The following DST variants were observed in gnomAD, a reference collection of about 807,000 sequenced individuals.
The protein encoded by DST is bullous pemphigoid antigen.
Under a neutral mutation model 875.2 loss-of-function variants are expected in DST, and 253 were observed. The observed-to-expected ratio is 0.29, with a 90% confidence interval of 0.26 to 0.32. DST has a LOEUF of 0.32. DST is among the 10% of genes least tolerant of loss of function. The pLI is 1.00. For missense variants in DST, 8,287 were observed against 9,111.6 expected, an observed-to-expected ratio of 0.91 and a Z score of 3.68; for synonymous variants, 3,124 against 3,197.1, an observed-to-expected ratio of 0.98 and a Z score of 0.77.
intron 15 of DST, among the ~76,000 whole-genome samples, chr6:56,645,231 C>T (rs1411019583): frequency 6.6e-6 from 1 of 152,186 alleles, no homozygotes; most frequent in African/African-American, 2.4e-5. Context: ...TCACAATTCC[C>T]AGGTACCAGG....
At chr6:56,889,021 C>T (rs1488924182) in intron 3 of DST, among the ~76,000 whole-genome samples, 1 of 152,178 alleles carries the variant, frequency 6.6e-6, no homozygotes, top group Non-Finnish European at 1.5e-5. Context: ...CAAGAGCTAC[C>T]TAGACCCATG....
chr6:56,592,172 C>T lies in DST; in HGVS notation c.12903+10G>A, dbSNP rs201012735. On this transcript the variant is annotated intron_variant, in intron 49 of 103. Coordinates refer to ENST00000680361, the MANE Select transcript of DST (RefSeq NM_001374736.1). ...CTACTGGAAATGTGGATCTTTCTCT[C>T]GCTTTTTACCTTGGTCTCTTCTAAT... 13 of 1,609,942 alleles carry T rather than the reference C, an allele frequency of 8.1e-6. No individual in the cohort carries two copies. The highest frequency in any genetic ancestry group is 6.7e-5 in the Admixed American group (4 of 59,406).
At chr6:56,497,672 G>A in intron 81 of DST, 165 bp from the exon 82 acceptor site, 1 of 974,334 alleles carries the variant, frequency 1.0e-6, no homozygotes, top group Middle Eastern at 2.8e-4. Flanking sequence ...TAGTAGATAA[G>A]AGTATTATGC....
In DST at chr6:56,839,992, A is replaced by G. The variant is rs143494856; in HGVS notation, c.625+11405T>C. ...TGCAACACTTTCATTACGGTTGTCT[A>G]GGTACAACGGATTTACTTCCAGATC... On this transcript the variant is annotated intron_variant, in intron 4 of 103. Transcript: ENST00000680361. 5.3e-3 allele frequency among the ~76,000 whole-genome samples: 813 copies of G among 152,330 alleles called. 6 individuals are homozygous for G. Among genetic ancestry groups the G allele is most frequent in the African/African-American group, 0.018 (767 of 41,580 alleles).
At chr6:56,813,186 A>G (rs1360445422) in intron 4 of DST, among the ~76,000 whole-genome samples, 3 of 142,412 alleles carry the variant, frequency 2.1e-5, no homozygotes, top group Non-Finnish European at 3.0e-5. Flanking sequence ...TTGAACAATG[A>G]GAACACATGG....
At chr6:56,617,991 A>T in intron 36 of DST, 2 of 1,613,134 alleles carry the variant, frequency 1.2e-6, no homozygotes, top group Non-Finnish European at 1.7e-6. Flanking sequence ...TATACCTCTA[A>T]GGGTGTCAAA....
intron 4 of DST, among the ~76,000 whole-genome samples, chr6:56,836,568 G>A (rs1185443439): frequency 6.6e-5 from 10 of 151,922 alleles, no homozygotes; most frequent in African/African-American, 2.4e-4. Flanking sequence ...ATAAACAAAG[G>A]GGCCGGGCGC....
intron 5 of DST, among the ~76,000 whole-genome samples, chr6:56,732,335 T>C (rs2099503196): frequency 6.6e-6 from 1 of 152,254 alleles, no homozygotes; most frequent in Admixed American, 6.5e-5. Flanking sequence ...TGGCTTTTTT[T>C]CAAGTATCGC....
chr6:56,639,153 T>C (rs1294575238), intron 22 of DST, 106 bp downstream of exon 22: 3 of 1,002,682 alleles, frequency 3.0e-6, no homozygotes, highest in South Asian at 2.7e-5. Flanking sequence ...CAGGTTTTAA[T>C]AAAAGTTAGA....
intron 49 of DST, among the ~76,000 whole-genome samples, chr6:56,587,818 A>G (rs982598939): frequency 6.6e-6 from 1 of 152,114 alleles, no homozygotes; most frequent in Non-Finnish European, 1.5e-5. Context: ...ACTAAGCTTC[A>G]TAAGTGAAGG....
intron 2 of DST, among the ~76,000 whole-genome samples, chr6:56,905,372 G>A (rs993397534): frequency 4.4e-4 from 67 of 152,122 alleles, no homozygotes; most frequent in African/African-American, 1.5e-3. Context: ...TTCAGCTGGC[G>A]TAACGGAAAC....
Position 56,714,231 on chromosome 6 carries a change from G to T in DST, c.688-9862C>A, listed in dbSNP as rs1269047829. 6.6e-6 allele frequency among the ~76,000 whole-genome samples: 1 copy of T among 152,060 alleles called. No individual in the cohort carries two copies. Among genetic ancestry groups the T allele is most frequent in the African/African-American group, 2.4e-5 (1 of 41,384 alleles). ...TGTTTGGAATGGAATTATAAATACA[G>T]GTTTATTCTTTTAATTACTTAATTA... On this transcript the variant is annotated intron_variant, in intron 5 of 103. Transcript: ENST00000680361. The surrounding 1 kb of genome is among the most constrained non-coding windows in gnomAD (Gnocchi z 4.5).
intron 4 of DST, among the ~76,000 whole-genome samples, chr6:56,809,465 T>C (rs539183789): frequency 6.6e-6 from 1 of 152,364 alleles, no homozygotes; most frequent in South Asian, 2.1e-4. Flanking sequence ...AAATTAAATT[T>C]AATAATGAAT....
intron 4 of DST, chr6:56,842,989 G>C (rs2099802156): frequency 7.6e-7 from 1 of 1,315,758 alleles, no homozygotes; most frequent in Non-Finnish European, 9.9e-7. Context: ...CTCTGATTAA[G>C]GAAAGGCAGC....
At chr6:56,929,604 A>T (rs1809074000) in intron 2 of DST, among the ~76,000 whole-genome samples, 1 of 152,178 alleles carries the variant, frequency 6.6e-6, no homozygotes, top group South Asian at 2.1e-4. Context: ...GAATGAGATA[A>T]AGAATTCTCA....
intron 4 of DST, among the ~76,000 whole-genome samples, chr6:56,747,229 G>C (rs952412915): frequency 6.6e-6 from 1 of 152,180 alleles, no homozygotes; most frequent in African/African-American, 2.4e-5. Context: ...GAATGTGCTA[G>C]GTAAGCTGAG....
At chr6:56,905,629 T>C (rs1193297624) in intron 2 of DST, among the ~76,000 whole-genome samples, 2 of 151,308 alleles carry the variant, frequency 1.3e-5, no homozygotes, top group African/African-American at 2.5e-5. Context: ...ATTGTATGCA[T>C]ATATTGCGTT....
rs763176568 is a variant in DST, at chr6:56,489,584, A to T, written c.20783T>A (p.Met6928Lys). The change falls in exon 86 of 104, where the codon ATG becomes AAG. Residue 6928 changes from methionine to lysine, a missense_variant. Transcript: ENST00000680361. Reference sequence around the variant, plus strand: ...CTTTTCTGACTCTTCTAGCCACTCCATAAGTTTACTCCAAGCTTCATGGAA... The same window carrying T: ...CTTTTCTGACTCTTCTAGCCACTCCTTAAGTTTACTCCAAGCTTCATGGAA... Reference protein sequence around the residue: ...KQFHEAWSKLMEWLEESEKSL... With the variant: ...KQFHEAWSKLKEWLEESEKSL... 6.2e-6 allele frequency: 10 copies of T among 1,612,676 alleles called. No individual in the cohort carries two copies. The African/African-American group carries it at 1.2e-4, about 19-fold the overall frequency.
chr6:56,503,108 T>C (rs910794264), intron 78 of DST, among the ~76,000 whole-genome samples: 7 of 152,076 alleles, frequency 4.6e-5, no homozygotes, highest in Non-Finnish European at 7.4e-5. Context: ...CATGGATGTG[T>C]TTTTAACCTG....
Sources: gnomAD v4.1 joint callset for allele counts (sites outside exome capture counted in the v4.1 genomes callset) on GRCh38, gnomAD v4.1.1 for gene constraint, Gnocchi (gnomAD v3.1) non-coding constraint, MANE v1.5 for transcripts, NCBI Gene and HGNC (gene_info 2026-07-23, HGNC 2026-07-21) for gene names.